P2RX1: variants seen among roughly 807,000 people sequenced by gnomAD.
The protein encoded by P2RX1 is purinergic receptor P2X 1.
Under a neutral mutation model 50.3 loss-of-function variants are expected in P2RX1, and 42 were observed. The ratio of observed to expected loss-of-function variants is 0.83; its 90% CI spans 0.65 to 1.08. P2RX1 has a LOEUF of 1.08. P2RX1 is among the 50% of genes least tolerant of loss of function. The pLI is 0.00. For synonymous variants in P2RX1, 199 were observed against 202.6 expected, an observed-to-expected ratio of 0.98 and a Z score of 0.15; for missense variants, 449 against 529.0, an observed-to-expected ratio of 0.85 and a Z score of 1.48.
chr17:3,910,277 C>T (rs570951732), intron 1 of P2RX1, among the ~76,000 whole-genome samples: 31 of 152,250 alleles, frequency 2.0e-4, no homozygotes, highest in African/African-American at 7.2e-4. Context: ...GCCCGGCCTA[C>T]GAAATCTATT....
intron 7 of P2RX1, among the ~76,000 whole-genome samples, chr17:3,901,216 C>T (rs557934598): frequency 2.0e-4 from 31 of 152,238 alleles, no homozygotes; most frequent in East Asian, 7.7e-4. Flanking sequence ...TACAGGTGCC[C>T]GCCACCATGC....
intron 1 of P2RX1, among the ~76,000 whole-genome samples, chr17:3,913,862 G>GT (rs34281842): frequency 1.5e-4 from 23 of 149,160 alleles, no homozygotes; most frequent in Non-Finnish European, 2.4e-4. Flanking sequence ...TGCACTCTTG[G>GT]GGGGGGTGGT....
chr17:3,912,487 C>T (rs376778979), intron 1 of P2RX1, among the ~76,000 whole-genome samples: 6 of 152,240 alleles, frequency 3.9e-5, no homozygotes, highest in East Asian at 3.9e-4. Context: ...TGCGCCACCA[C>T]ACCCAGCTAA....
chr17:3,913,099 C>T (rs918704409), intron 1 of P2RX1, among the ~76,000 whole-genome samples: 23 of 151,780 alleles, frequency 1.5e-4, no homozygotes, highest in Non-Finnish European at 2.6e-4. Flanking sequence ...GAGAGCTCAT[C>T]AGCTCTTCGG....
intron 1 of P2RX1, chr17:3,915,404 C>G (rs1469953415): frequency 2.2e-6 from 1 of 454,250 alleles, no homozygotes; most frequent in Non-Finnish European, 4.4e-6. Context: ...CAGCCTCTGC[C>G]AGGCCTGTCT....
intron 1 of P2RX1, among the ~76,000 whole-genome samples, chr17:3,909,171 CG>C (rs2056319851): frequency 6.6e-6 from 1 of 152,092 alleles, no homozygotes. Flanking sequence ...GCTGGGACTA[CG>C]GGCGCGCCCC....
chr17:3,909,865 C>T (rs1300817694), intron 1 of P2RX1, among the ~76,000 whole-genome samples: 1 of 151,914 alleles, frequency 6.6e-6, no homozygotes, highest in Non-Finnish European at 1.5e-5. Flanking sequence ...TCAAAAGGCT[C>T]TTAATACCCC....
chr17:3,906,608 G>A (rs1715172657), intron 1 of P2RX1, among the ~76,000 whole-genome samples: 1 of 152,226 alleles, frequency 6.6e-6, no homozygotes, highest in African/African-American at 2.4e-5. Flanking sequence ...CCTCTGGAGG[G>A]CTTGCAGCGT....
chr17:3,904,988 A>G (rs2144018121), intron 2 of P2RX1, 59 bp from the exon 3 acceptor site: 19 of 1,289,230 alleles, frequency 1.5e-5, no homozygotes, highest in Non-Finnish European at 2.0e-5. Context: ...AAGAGCCCCA[A>G]GGGCCCCACC....
intron 1 of P2RX1, among the ~76,000 whole-genome samples, chr17:3,911,582 T>G (rs1190940270): frequency 7.8e-6 from 1 of 128,182 alleles, no homozygotes; most frequent in Non-Finnish European, 1.6e-5. Context: ...CTGTCCTGCC[T>G]CCGGTCCCCA....
intron 1 of P2RX1, among the ~76,000 whole-genome samples, chr17:3,911,351 G>A (rs530318619): frequency 1.9e-3 from 292 of 151,974 alleles, no homozygotes; most frequent in African/African-American, 6.6e-3. Context: ...AAAACCAAGC[G>A]GTTTCTTTCA....
In P2RX1 at chr17:3,897,640, T is replaced by G; in HGVS notation, c.*174A>C. ...GGGTGTGTGGGGTCGGAGCCGGAGC[T>G]CAGATTTGCACAGGTCTCTCCTACT... is the stretch of plus-strand genomic sequence containing the variant. On this transcript the variant is annotated 3_prime_UTR_variant, in exon 12 of 12. Coordinates refer to ENST00000225538, the MANE Select transcript of P2RX1 (RefSeq NM_002558.4). 1 of 657,996 alleles carries G rather than the reference T, an allele frequency of 1.5e-6. No homozygotes were observed. The highest frequency in any genetic ancestry group is 2.7e-6 in the Non-Finnish European group (1 of 365,782). 40.8% of individuals were successfully genotyped at this position (657,996 alleles called of 1,614,324 possible). A position where few individuals can be genotyped will look rare whatever the true frequency, so the allele number is the denominator to read the frequency against.
Position 3,903,560 on chromosome 17 carries a change from T to A in P2RX1, c.596A>T (p.Lys199Met), listed in dbSNP as rs1230823056. The change falls in exon 6 of 12, where the codon AAG becomes ATG. Residue 199 changes from lysine (K) to methionine (M), a missense_variant. Physicochemically the swap from Lys to Met is moderately conservative, Grantham distance 95 (BLOSUM62 -1). Coordinates refer to ENST00000225538, the MANE Select transcript of P2RX1 (RefSeq NM_002558.4). The surrounding 1 kb of genome is among the most constrained non-coding windows in gnomAD (Gnocchi z 4.6). Reference sequence around the variant, plus strand: ...CGAATTTCCCACGCACCTGTTGACCTTGAAGCGTGGAAAGCTGATGCTGTT... The same window carrying A: ...CGAATTTCCCACGCACCTGTTGACCATGAAGCGTGGAAAGCTGATGCTGTT... ...IKNSISFPRF[K>M]VNRRNLVEEV... is the part of the protein sequence containing the mutation. The A allele has an allele frequency of 6.2e-7, 1 of 1,614,032 alleles. No individual in the cohort carries two copies. The highest frequency in any genetic ancestry group is 8.5e-7 in the Non-Finnish European group (1 of 1,180,006).
chr17:3,906,337 T>C (rs992824697), intron 1 of P2RX1, among the ~76,000 whole-genome samples: 1 of 152,180 alleles, frequency 6.6e-6, no homozygotes, highest in African/African-American at 2.4e-5. Context: ...TTCACCGTGT[T>C]GGCCAGGATG....
At position 3,903,229 on chromosome 17, in the gene P2RX1, G is replaced by T; in HGVS notation, c.720C>A (p.Gly240=). The change falls in exon 7 of 12, where the codon GGC becomes GGA. Residue 240 remains glycine, a synonymous_variant. Coordinates refer to ENST00000225538, the MANE Select transcript of P2RX1 (RefSeq NM_002558.4). The surrounding 1 kb of genome is among the most constrained non-coding windows in gnomAD (Gnocchi z 4.6). ...TCTCAGCCAGGGTGCTGAAGTTCTG[G>T]CCTGACTCTTGCACCACGTAGCCAA... The part of the protein sequence containing the change: ...FQLGYVVQES[G]QNFSTLAEKG... 2 of 1,614,168 alleles carry T rather than the reference G, an allele frequency of 1.2e-6. No homozygotes were observed. Among genetic ancestry groups the T allele is most frequent in the Non-Finnish European group, 1.7e-6 (2 of 1,180,042 alleles).
At chr17:3,908,118 C>T (rs1035117405) in intron 1 of P2RX1, among the ~76,000 whole-genome samples, 5 of 152,196 alleles carry the variant, frequency 3.3e-5, no homozygotes, top group African/African-American at 1.2e-4. Flanking sequence ...CTGGCTTCGA[C>T]GTGTCTCCCA....
chr17:3,916,014 G>T (rs946562918), intron 1 of P2RX1, 75 bp downstream of exon 1: 1 of 1,548,852 alleles, frequency 6.5e-7, no homozygotes, highest in South Asian at 1.1e-5. Context: ...CTGGTGTCAC[G>T]CAAGGGATGT....
chr17:3,898,898 G>A lies in P2RX1; in HGVS notation c.966+36C>T, dbSNP rs143374859. On this transcript the variant is annotated intron_variant, in intron 9 of 11. Transcript: ENST00000225538. ...AGGTACTCACAGGAGCTGAGAATGT[G>A]TCTCAGCTGCCACCACCCTCACACT... The A allele has an allele frequency of 5.2e-4, 780 of 1,500,934 alleles. 4 individuals are homozygous for A. The East Asian group carries it at 0.011, about 21-fold the overall frequency. The allele number at this position is 1,500,934 out of a possible 1,614,324, so 93.0% of individuals were successfully genotyped here.
intron 1 of P2RX1, among the ~76,000 whole-genome samples, chr17:3,913,084 G>A (rs992872384): frequency 1.3e-5 from 2 of 151,860 alleles, no homozygotes; most frequent in Non-Finnish European, 2.9e-5. Context: ...ACACCACCAG[G>A]GACAGAGAGC....
Sources: allele counts gnomAD v4.1 joint callset (sites outside exome capture counted in the v4.1 genomes callset), GRCh38; gene constraint gnomAD v4.1.1; non-coding constraint Gnocchi (gnomAD v3.1); transcripts MANE v1.5; gene names NCBI Gene and HGNC (gene_info 2026-07-23, HGNC 2026-07-21).